Variants in LMBR1 observed in about 807,000 individuals in gnomAD.
LMBR1 encodes limb development membrane protein 1.
A neutral mutation model predicts 73.9 loss-of-function variants in LMBR1; 52 were observed. That is an observed-to-expected ratio of 0.70 (90% CI 0.56 to 0.89). LMBR1 has a LOEUF of 0.89. Ranked by LOEUF, LMBR1 falls within the 40% of genes least tolerant of loss-of-function variation. The probability of loss-of-function intolerance (pLI) is 0.00; values close to 1 mark genes in which losing one functional copy is unlikely to be tolerated. For missense variants in LMBR1, 539 were observed against 579.8 expected, an observed-to-expected ratio of 0.93 and a Z score of 0.72; for synonymous variants, 215 against 209.4, an observed-to-expected ratio of 1.03 and a Z score of -0.23.
intron 2 of LMBR1, among the ~76,000 whole-genome samples, chr7:156,835,687 T>C (rs1586124308): frequency 1.6e-5 from 2 of 123,014 alleles, no homozygotes; most frequent in African/African-American, 3.3e-5. Context: ...AGAGTGAGAC[T>C]CCATCTCAAA....
intron 16 of LMBR1, among the ~76,000 whole-genome samples, chr7:156,687,169 G>T (rs904682958): frequency 6.6e-6 from 1 of 152,182 alleles, no homozygotes; most frequent in East Asian, 1.9e-4. Context: ...GGACCTTAAT[G>T]AATCCATCAG....
chr7:156,887,463 C>CAAA (rs60786872), intron 1 of LMBR1, among the ~76,000 whole-genome samples: 13 of 52,588 alleles, frequency 2.5e-4, no homozygotes, highest in African/African-American at 3.6e-4. Context: ...GACTCCATCT[C>CAAA]AAAAAAAAAA....
chr7:156,749,806 C>T (rs1820505813), intron 9 of LMBR1, among the ~76,000 whole-genome samples: 1 of 152,088 alleles, frequency 6.6e-6, no homozygotes, highest in African/African-American at 2.4e-5. Context: ...TCTCCTGCCC[C>T]AGCTTCCCAA....
chr7:156,688,883 A>C (rs1806544499), intron 15 of LMBR1, among the ~76,000 whole-genome samples: 2 of 152,184 alleles, frequency 1.3e-5, no homozygotes, highest in South Asian at 4.1e-4. Flanking sequence ...GCCCAGAATA[A>C]TGTCTTATAC....
chr7:156,743,447 T>C (rs771358971), intron 9 of LMBR1, among the ~76,000 whole-genome samples: 12 of 152,180 alleles, frequency 7.9e-5, no homozygotes, highest in Non-Finnish European at 1.6e-4. Context: ...AAAACTAAAC[T>C]CAAAGTAGCT....
At chr7:156,780,087 A>C (rs942363633) in intron 5 of LMBR1, among the ~76,000 whole-genome samples, 1 of 152,220 alleles carries the variant, frequency 6.6e-6, no homozygotes, top group African/African-American at 2.4e-5. Context: ...GCATACACGA[A>C]AAAGCTTTGG....
At chr7:156,762,306 A>G (rs1823208730) in intron 7 of LMBR1, 108 bp from the exon 8 acceptor site, 2 of 715,806 alleles carry the variant, frequency 2.8e-6, no homozygotes, top group Non-Finnish European at 5.0e-6. Context: ...TTATCATTTT[A>G]AGAACATTCT....
chr7:156,774,771 G>T (rs1017993768), intron 5 of LMBR1, among the ~76,000 whole-genome samples: 1 of 152,164 alleles, frequency 6.6e-6, no homozygotes, highest in African/African-American at 2.4e-5. Context: ...GGTGAAGGTT[G>T]CAGTGAGCCA....
chr7:156,698,254 G>A (rs1808768952), intron 15 of LMBR1, among the ~76,000 whole-genome samples: 1 of 152,212 alleles, frequency 6.6e-6, no homozygotes, highest in South Asian at 2.1e-4. Flanking sequence ...CCTCCCAGCT[G>A]CTTTCACAGG....
intron 1 of LMBR1, among the ~76,000 whole-genome samples, chr7:156,837,108 G>C (rs1353233448): frequency 2.0e-5 from 3 of 151,732 alleles, no homozygotes; most frequent in Non-Finnish European, 2.9e-5. Flanking sequence ...TGGATCATCT[G>C]AGGTCAGGAG....
At chr7:156,760,928 A>G (rs1223126662) in intron 8 of LMBR1, among the ~76,000 whole-genome samples, 2 of 152,228 alleles carry the variant, frequency 1.3e-5, no homozygotes, top group East Asian at 3.8e-4. Flanking sequence ...GAATATGAGA[A>G]ATGCAAAGAA....
intron 5 of LMBR1, among the ~76,000 whole-genome samples, chr7:156,781,846 C>T (rs1348505133): frequency 6.6e-6 from 1 of 152,156 alleles, no homozygotes. Flanking sequence ...ACATAAAGTT[C>T]ACCATCGTAA....
At chr7:156,821,499 C>G (rs1321270792) in intron 4 of LMBR1, among the ~76,000 whole-genome samples, 1 of 152,182 alleles carries the variant, frequency 6.6e-6, no homozygotes, top group Non-Finnish European at 1.5e-5. Context: ...GTTTGCTTTG[C>G]TTGGAAAGAG....
chr7:156,766,135 C>A (rs61515760), intron 5 of LMBR1, among the ~76,000 whole-genome samples: 16,792 of 152,016 alleles, frequency 0.11, 972 homozygotes, highest in East Asian at 0.13. Flanking sequence ...CTCCACGGCG[C>A]TCTCACATTT....
At chr7:156,757,353 T>C (rs1159400558) in intron 8 of LMBR1, among the ~76,000 whole-genome samples, 1 of 152,204 alleles carries the variant, frequency 6.6e-6, no homozygotes, top group Non-Finnish European at 1.5e-5. Context: ...TCCATGAATA[T>C]TAAAGATTGG....
intron 15 of LMBR1, among the ~76,000 whole-genome samples, chr7:156,702,088 T>A (rs147884835): frequency 3.2e-3 from 482 of 152,326 alleles, no homozygotes; most frequent in Non-Finnish European, 5.8e-3. Flanking sequence ...GCAATGAACA[T>A]ATATGTGCAT....
intron 5 of LMBR1, among the ~76,000 whole-genome samples, chr7:156,795,773 G>A (rs535190010): frequency 7.2e-5 from 11 of 152,150 alleles, no homozygotes; most frequent in Admixed American, 2.6e-4. Context: ...AACTGGTCTC[G>A]AAAAACTGGC....
At chr7:156,851,136 C>T (rs1419351102) in intron 1 of LMBR1, among the ~76,000 whole-genome samples, 1 of 152,138 alleles carries the variant, frequency 6.6e-6, no homozygotes, top group Non-Finnish European at 1.5e-5. Flanking sequence ...GAACTGTGTG[C>T]CAAAATAACT....
chr7:156,868,571 G>A (rs561322969), intron 1 of LMBR1, among the ~76,000 whole-genome samples: 1 of 152,100 alleles, frequency 6.6e-6, no homozygotes, highest in African/African-American at 2.4e-5. Context: ...GCTGAGTCAG[G>A]AGAATTGCTT....
Sources: allele counts gnomAD v4.1 joint callset (sites outside exome capture counted in the v4.1 genomes callset), GRCh38; gene constraint gnomAD v4.1.1; transcripts MANE v1.5; gene names NCBI Gene and HGNC (gene_info 2026-07-23, HGNC 2026-07-21).